Variants in CDK12 observed in about 807,000 individuals in gnomAD.
The protein encoded by CDK12 is cyclin-dependent kinase 12.
CDK12 carries 17 observed loss-of-function variants against 133.8 expected under a neutral mutation model. The ratio of observed to expected loss-of-function variants is 0.13; its 90% confidence interval spans 0.09 to 0.19. The LOEUF (loss-of-function observed/expected upper bound fraction) is 0.19. Ranked by LOEUF, CDK12 falls within the 10% of genes least tolerant of loss-of-function variation. The pLI, the probability that CDK12 is intolerant of heterozygous loss-of-function variation, is 1.00. For missense variants in CDK12, 1,508 were observed against 1,818.7 expected, an observed-to-expected ratio of 0.83 and a Z score of 3.11; for synonymous variants, 694 against 683.6, an observed-to-expected ratio of 1.02 and a Z score of -0.24.
chr17:39,486,253 C>CTTTTTTTTTTTTTTTTTTTTTTT (rs35710234), intron 2 of CDK12, among the ~76,000 whole-genome samples: 2 of 86,512 alleles, frequency 2.3e-5, no homozygotes, highest in African/African-American at 4.3e-5. Context: ...CACCCTGCCT[C>CTTTTTTTTTTTTTTTTTTTTTTT]TTTTTTTTTT....
chr17:39,542,932 A>G (rs1213292304), upstream of CDK12, among the ~76,000 whole-genome samples: 1 of 152,254 alleles, frequency 6.6e-6, no homozygotes, highest in Admixed American at 6.5e-5. Flanking sequence ...CTCAGAGTTA[A>G]CCCAAACTTC....
At chr17:39,494,833 G>A (rs1035949980) in intron 5 of CDK12, 139 bp downstream of exon 5, 55 of 627,288 alleles carry the variant, frequency 8.8e-5, no homozygotes, top group Non-Finnish European at 1.3e-4. Context: ...GCAGTGGTGC[G>A]ATTTCAGGTC....
intron 5 of CDK12, among the ~76,000 whole-genome samples, chr17:39,495,517 C>T (rs752370160): frequency 1.4e-4 from 21 of 150,220 alleles, no homozygotes; most frequent in Non-Finnish European, 2.2e-4. Flanking sequence ...AGTGGCCAGG[C>T]GCAGTGGCTC....
At chr17:39,520,836 T>G (rs1226703424) in intron 11 of CDK12, among the ~76,000 whole-genome samples, 1 of 152,100 alleles carries the variant, frequency 6.6e-6, no homozygotes. Flanking sequence ...AATTTTTTTG[T>G]ATTTTTGTTT....
intron 2 of CDK12, among the ~76,000 whole-genome samples, chr17:39,483,483 A>G (rs1319116391): frequency 6.6e-6 from 1 of 151,926 alleles, no homozygotes; most frequent in African/African-American, 2.4e-5. Context: ...CCAGGGTAGT[A>G]GAACTCCTAG....
chr17:39,474,480 G>A (rs187376363), intron 2 of CDK12, among the ~76,000 whole-genome samples: 2 of 152,082 alleles, frequency 1.3e-5, no homozygotes, highest in East Asian at 1.9e-4. Context: ...CACTACACCC[G>A]GCTAATTTAT....
rs570095182 is a variant in CDK12, at chr17:39,532,275, C to T, written c.*959C>T. 3.9e-5 allele frequency: 9 copies of T among 233,170 alleles called. No homozygotes were observed. Among genetic ancestry groups the T allele is most frequent in the African/African-American group, 8.8e-5 (4 of 45,302 alleles). 14.4% of individuals were successfully genotyped at this position (233,170 alleles called of 1,614,324 possible). A position where few individuals can be genotyped will look rare whatever the true frequency, so the allele number is the denominator to read the frequency against. On this transcript the variant is annotated 3_prime_UTR_variant, in exon 14 of 14. Coordinates refer to ENST00000447079, the MANE Select transcript of CDK12 (RefSeq NM_016507.4). The stretch of plus-strand genomic sequence containing the variant: ...AAAGGAAAGGAAATTCAGACTCTTA[C>T]ATTGTTCTCTGTAACTCTTCAATTC...
intron 2 of CDK12, among the ~76,000 whole-genome samples, chr17:39,481,629 G>GCA (rs1409419859): frequency 4.0e-5 from 1 of 25,026 alleles, no homozygotes; most frequent in African/African-American, 8.7e-5. Flanking sequence ...TTGCTCGCTC[G>GCA]CGCGCTCTCT....
chr17:39,518,818 C>G (rs906605743), intron 10 of CDK12, among the ~76,000 whole-genome samples: 3 of 152,078 alleles, frequency 2.0e-5, no homozygotes, highest in African/African-American at 7.2e-5. Flanking sequence ...CTCAGCCTCC[C>G]AAAGAGCTGG....
downstream of CDK12, among the ~76,000 whole-genome samples, chr17:39,536,488 G>T (rs1471665103): frequency 6.6e-6 from 1 of 152,136 alleles, no homozygotes; most frequent in Non-Finnish European, 1.5e-5. Flanking sequence ...GCCAGGAAAG[G>T]CAGGGAGTCA....
In CDK12 at chr17:39,509,689, G is replaced by GT. The variant is rs1469971672; in HGVS notation, c.2610-10dup. The GT allele has an allele frequency of 3.1e-6, 5 of 1,605,502 alleles. No homozygotes were observed. The highest frequency in any genetic ancestry group is 3.3e-4 in the Middle Eastern group (2 of 6,076). On this transcript the variant is annotated splice_polypyrimidine_tract_variant and intron_variant, in intron 6 of 13. Coordinates refer to ENST00000447079, the MANE Select transcript of CDK12 (RefSeq NM_016507.4). The stretch of plus-strand genomic sequence containing the variant: ...ACTGCTATGGCTTATGAAAATAATT[G>GT]TTTTTTGTTTTACAGTGGGCAAATC...
At chr17:39,536,768 CT>C (rs1818926821), downstream of CDK12, among the ~76,000 whole-genome samples, 1 of 152,154 alleles carries the variant, frequency 6.6e-6, no homozygotes, top group African/African-American at 2.4e-5. Flanking sequence ...AAAATTAGTA[CT>C]CCAAGGCTGA....
chr17:39,463,710 G>A (rs1290414911), intron 1 of CDK12, among the ~76,000 whole-genome samples: 1 of 151,896 alleles, frequency 6.6e-6, no homozygotes. Flanking sequence ...GTATAACCTA[G>A]CAGAAATTGG....
chr17:39,538,193 G>A (rs1257426455), downstream of CDK12, among the ~76,000 whole-genome samples: 14 of 152,162 alleles, frequency 9.2e-5, no homozygotes, highest in Non-Finnish European at 4.4e-5. Context: ...AGAATAAGGA[G>A]GAATGACATG....
chr17:39,527,558 T>A (rs1459627076), intron 13 of CDK12, among the ~76,000 whole-genome samples: 2 of 152,232 alleles, frequency 1.3e-5, no homozygotes, highest in East Asian at 3.8e-4. Context: ...TTTATTTGTT[T>A]GTTTTTGGAG....
intron 6 of CDK12, among the ~76,000 whole-genome samples, chr17:39,504,738 G>A (rs1433295742): frequency 3.3e-5 from 5 of 151,836 alleles, no homozygotes; most frequent in Non-Finnish European, 7.4e-5. Flanking sequence ...AATTAGCTGA[G>A]CTTGGTGGTG....
At chr17:39,473,596 A>C (rs181039691) in intron 2 of CDK12, among the ~76,000 whole-genome samples, 1 of 152,218 alleles carries the variant, frequency 6.6e-6, no homozygotes, top group East Asian at 1.9e-4. Context: ...AAATACAAAA[A>C]TTAGCCGGGT....
chr17:39,475,997 C>T (rs2050162307), intron 2 of CDK12, among the ~76,000 whole-genome samples: 2 of 151,056 alleles, frequency 1.3e-5, no homozygotes. Context: ...GGCCCTTTAG[C>T]TATAGGAACC....
intron 6 of CDK12, among the ~76,000 whole-genome samples, chr17:39,504,899 A>C (rs1307628189): frequency 6.8e-6 from 1 of 147,808 alleles, no homozygotes; most frequent in Non-Finnish European, 1.5e-5. Flanking sequence ...AAAAAAAAAA[A>C]CGCTAAGGAG....
Sources: allele counts gnomAD v4.1 joint callset (sites outside exome capture counted in the v4.1 genomes callset), GRCh38; gene constraint gnomAD v4.1.1; transcripts MANE v1.5; gene names NCBI Gene and HGNC (gene_info 2026-07-23, HGNC 2026-07-21).